The following SASH1 variants were observed in gnomAD, a reference collection of about 807,000 sequenced individuals.
SASH1 encodes the protein SAM and SH3 domain containing 1, also known as SAM and SH3 domain-containing protein 1.
In SASH1, 44 loss-of-function variants were observed where a neutral mutation model predicts 125.2. The observed-to-expected ratio is 0.35, with a 90% CI of 0.28 to 0.45. SASH1 has a LOEUF of 0.45. Among genes scored for constraint, SASH1 ranks in the 20% least tolerant of loss-of-function variants. SASH1 has a pLI of 1.00. For missense variants in SASH1, 1,426 were observed against 1,614.5 expected (o/e 0.88, Z 2.00); for synonymous variants, 639 against 649.1 (o/e 0.98, Z 0.24).
chr6:148,412,155 C>G (rs1784655376), intron 2 of SASH1, among the ~76,000 whole-genome samples: 2 of 152,042 alleles, frequency 1.3e-5, no homozygotes, highest in Non-Finnish European at 2.9e-5. Flanking sequence ...CATTTTTTTG[C>G]AAATCAGAAG....
chr6:148,520,117 G>A, intron 10 of SASH1: 1 of 542,770 alleles, frequency 1.8e-6, no homozygotes, highest in Non-Finnish European at 3.3e-6. Context: ...AAAGGGGGCG[G>A]GAGCTGCGGC....
rs139977994 is a variant in SASH1, at chr6:148,424,973, T to C, written c.286-15211T>C. Among the ~76,000 whole-genome samples the C allele has an allele frequency of 6.1e-3, 935 of 152,338 alleles. 3 individuals carry two copies. Among genetic ancestry groups the C allele is most frequent in the Middle Eastern group, 0.01 (3 of 294 alleles). ...GCAAGGCACTAAGTTTGAGAACCGC[T>C]GACAGGGCTTATTGGAACATGGTCC... On this transcript the variant is annotated intron_variant, in intron 2 of 19. Coordinates refer to ENST00000367467, the MANE Select transcript of SASH1 (RefSeq NM_015278.5).
rs1583348452 is a variant in SASH1 at position 148,549,427 on chromosome 6, G to A, written c.*869G>A. On this transcript the variant is annotated 3_prime_UTR_variant, in exon 20 of 20. Transcript: ENST00000367467. ...TGTGTGTGCGTGCGTGCGTGCGCGT[G>A]TGTGTCTGTATTCATAGTGACTGCT... 1 of 392,824 alleles carries A rather than the reference G, an allele frequency of 2.5e-6. No homozygotes were observed. The highest frequency in any genetic ancestry group is 3.6e-5 in the East Asian group (1 of 27,868). The allele number at this position is 392,824 out of a possible 1,614,324, so 24.3% of individuals were successfully genotyped here.
intron 1 of SASH1, among the ~76,000 whole-genome samples, chr6:148,351,686 G>A (rs185595463): frequency 3.1e-4 from 40 of 129,506 alleles, no homozygotes; most frequent in African/African-American, 1.0e-3. Flanking sequence ...CCTTAATCTA[G>A]TAGGACCTAG....
Position 148,548,399 on chromosome 6 carries a change from C to A in SASH1, c.3585C>A (p.Ala1195=). Residue 1195 remains alanine (A), a synonymous_variant, in exon 20 of 20, where the codon GCC becomes GCA. Coordinates refer to ENST00000367467, the MANE Select transcript of SASH1 (RefSeq NM_015278.5). ...TTTCCATCGGTCTGCCCATGTACGC[C>A]GGCACCCTCTCCACCGCGGGCTTCA... ...WLISIGLPMY[A]GTLSTAGFST... is the part of the protein sequence containing the mutation. The A allele has an allele frequency of 6.2e-7, 1 of 1,614,168 alleles. No individual in the cohort carries two copies. Among genetic ancestry groups the A allele is most frequent in the Non-Finnish European group, 8.5e-7 (1 of 1,180,032 alleles).
At chr6:148,282,029 A>G (rs779886662) in intron 1 of SASH1, among the ~76,000 whole-genome samples, 2 of 152,236 alleles carry the variant, frequency 1.3e-5, no homozygotes, top group Non-Finnish European at 2.9e-5. Flanking sequence ...GTATAAATGA[A>G]ACCATAAATT....
chr6:148,545,490 A>G (rs1049238777), intron 18 of SASH1, among the ~76,000 whole-genome samples: 5 of 152,234 alleles, frequency 3.3e-5, no homozygotes, highest in Non-Finnish European at 7.3e-5. Context: ...AGCTGGTGGT[A>G]TCACTTGTAG....
chr6:148,359,084 TA>T (rs1029261959), intron 1 of SASH1, among the ~76,000 whole-genome samples: 19 of 145,958 alleles, frequency 1.3e-4, no homozygotes, highest in South Asian at 2.3e-4. Context: ...TATTTAAAAA[TA>T]AAAAAAAAAT....
chr6:148,408,825 A>G (rs1784481592), intron 2 of SASH1, among the ~76,000 whole-genome samples: 1 of 152,204 alleles, frequency 6.6e-6, no homozygotes, highest in Admixed American at 6.5e-5. Context: ...CCTCTGATCC[A>G]CTTTGAGTTA....
chr6:148,360,640 C>G (rs950973672), intron 1 of SASH1, among the ~76,000 whole-genome samples: 1 of 127,256 alleles, frequency 7.9e-6, no homozygotes, highest in Non-Finnish European at 1.8e-5. Flanking sequence ...TGAGCCACCC[C>G]CCCGCCAGGC....
chr6:148,352,501 G>A (rs1781766857), intron 1 of SASH1, among the ~76,000 whole-genome samples: 1 of 152,042 alleles, frequency 6.6e-6, no homozygotes, highest in Non-Finnish European at 1.5e-5. Context: ...AGAGGCTGAG[G>A]CAGGAGGATT....
chr6:148,215,199 T>G, the SASH1 span, among the ~76,000 whole-genome samples: 1 of 152,178 alleles, frequency 6.6e-6, no homozygotes, highest in Non-Finnish European at 1.5e-5. Flanking sequence ...GCTTTATGTT[T>G]TTGTCAGCTT....
rs1040979864 is a variant in SASH1 at position 148,532,186 on chromosome 6, T to G, written c.1564+525T>G. On this transcript the variant is annotated intron_variant, in intron 13 of 19. Transcript: ENST00000367467. The surrounding 1 kb of genome is among the most constrained non-coding windows in gnomAD (Gnocchi z 4.7). ...TTCACCTCCCTGGCTCAAGGGATCCTCCTGCCTCAGCCTTCCGCATAGCTG... is the reference window on the plus strand; with the variant it reads ...TTCACCTCCCTGGCTCAAGGGATCCGCCTGCCTCAGCCTTCCGCATAGCTG... Among the ~76,000 whole-genome samples, 1 of 152,148 alleles carries G rather than the reference T, an allele frequency of 6.6e-6. No individual in the cohort carries two copies. The highest frequency in any genetic ancestry group is 2.4e-5 in the African/African-American group (1 of 41,422).
In SASH1 at chr6:148,533,233, A is replaced by G. The variant is rs544739986; in HGVS notation, c.1734+267A>G. On this transcript the variant is annotated intron_variant, in intron 14 of 19. Transcript: ENST00000367467. The surrounding 1 kb of genome is among the most constrained non-coding windows in gnomAD (Gnocchi z 6.2). ...CTTCCCTCTAGAATTCCTGTTGCAC[A>G]CCCTCCCTCTCCCCACCTGGCTCCT... is the stretch of plus-strand genomic sequence containing the variant. Among the ~76,000 whole-genome samples, 1 of 151,466 alleles carries G rather than the reference A, an allele frequency of 6.6e-6. No individual in the cohort carries two copies. Among genetic ancestry groups the G allele is most frequent in the Non-Finnish European group, 1.5e-5 (1 of 67,902 alleles).
At chr6:148,331,030 A>T (rs1780982189) in intron 1 of SASH1, among the ~76,000 whole-genome samples, 1 of 151,838 alleles carries the variant, frequency 6.6e-6, no homozygotes, top group African/African-American at 2.4e-5. Flanking sequence ...TCTGTAGGAG[A>T]GGCTGTTCTC....
At chr6:148,390,292 G>A (rs1186151227) in intron 2 of SASH1, 30 bp downstream of exon 2, 4 of 1,603,066 alleles carry the variant, frequency 2.5e-6, no homozygotes, top group African/African-American at 2.7e-5. Flanking sequence ...ATATGCTTCT[G>A]TGAGCAGAGC....
chr6:148,379,685 C>G (rs1583052238), intron 1 of SASH1, among the ~76,000 whole-genome samples: 1 of 152,116 alleles, frequency 6.6e-6, no homozygotes, highest in African/African-American at 2.4e-5. Context: ...TTGGGTGTTG[C>G]AATAATGTTA....
intron 4 of SASH1, among the ~76,000 whole-genome samples, chr6:148,442,990 G>A (rs568309719): frequency 6.6e-6 from 1 of 152,040 alleles, no homozygotes; most frequent in East Asian, 1.9e-4. Context: ...TGGGCAGACT[G>A]TTCTCGAACT....
chr6:148,226,408 T>C, the SASH1 span, among the ~76,000 whole-genome samples: 1 of 152,184 alleles, frequency 6.6e-6, no homozygotes, highest in African/African-American at 2.4e-5. Context: ...GGGGAGGTAA[T>C]GCATGCCTAC....
Sources: gnomAD v4.1 joint callset for allele counts (sites outside exome capture counted in the v4.1 genomes callset) on GRCh38, gnomAD v4.1.1 for gene constraint, Gnocchi (gnomAD v3.1) non-coding constraint, MANE v1.5 for transcripts, NCBI Gene and HGNC (gene_info 2026-07-23, HGNC 2026-07-21) for gene names.